The following NSRP1 variants were observed in gnomAD, a reference collection of about 807,000 sequenced individuals.
NSRP1 encodes the protein nuclear speckle splicing regulatory protein 1.
A neutral mutation model predicts 54.7 loss-of-function variants in NSRP1; 24 were observed. That is an observed-to-expected ratio of 0.44 (90% CI 0.32 to 0.62). The LOEUF (loss-of-function observed/expected upper bound fraction) is 0.62, where lower values mean the gene tolerates loss of function less well. NSRP1 is among the 20% of genes least tolerant of loss of function. The probability of loss-of-function intolerance (pLI) is 0.06; values close to 1 mark genes in which losing one functional copy is unlikely to be tolerated. For missense variants in NSRP1, 596 were observed against 651.2 expected, an observed-to-expected ratio of 0.92 and a Z score of 0.92; for synonymous variants, 210 against 213.8, an observed-to-expected ratio of 0.98 and a Z score of 0.15.
intron 2 of NSRP1, among the ~76,000 whole-genome samples, chr17:30,163,608 GA>G (rs899530993): frequency 6.7e-6 from 1 of 148,816 alleles, no homozygotes; most frequent in African/African-American, 2.5e-5. Flanking sequence ...AATGAAGGGA[GA>G]AAAAAACTAA....
At chr17:30,117,421 T>G (rs976805467) in intron 1 of NSRP1, 5 of 441,134 alleles carry the variant, frequency 1.1e-5, no homozygotes, top group Non-Finnish European at 2.0e-5. Context: ...TGTGTAATCC[T>G]TACTTTTGAT....
intron 2 of NSRP1, among the ~76,000 whole-genome samples, chr17:30,119,269 TA>T (rs2151871167): frequency 6.6e-6 from 1 of 152,132 alleles, no homozygotes; most frequent in South Asian, 2.1e-4. Flanking sequence ...TTTATTTTTT[TA>T]TTTTTTTGTA....
chr17:30,176,918 C>G (rs1211203803), intron 3 of NSRP1, among the ~76,000 whole-genome samples: 1 of 152,084 alleles, frequency 6.6e-6, no homozygotes, highest in Non-Finnish European at 1.5e-5. Flanking sequence ...CAGATAGATT[C>G]TTTTGAATAA....
intron 2 of NSRP1, among the ~76,000 whole-genome samples, chr17:30,128,768 T>C (rs2071673487): frequency 6.6e-6 from 1 of 152,150 alleles, no homozygotes; most frequent in Non-Finnish European, 1.5e-5. Context: ...AAGTAAAGTG[T>C]GTGCAATACT....
In NSRP1 at chr17:30,186,461, T is replaced by C. The variant is rs946433681; in HGVS notation, c.*787T>C. The C allele has an allele frequency of 6.6e-6, 1 of 152,248 alleles. No homozygotes were observed. Among genetic ancestry groups the C allele is most frequent in the South Asian group, 2.1e-4 (1 of 4,830 alleles). 9.4% of individuals were successfully genotyped at this position (152,248 alleles called of 1,614,324 possible). On this transcript the variant is annotated 3_prime_UTR_variant, in exon 7 of 7. Transcript: ENST00000247026. The stretch of plus-strand genomic sequence containing the variant: ...TGGCTTAAATGAAAATAAAATGATA[T>C]GCTTATACATTTTATTTATGCATTT...
Position 30,172,014 on chromosome 17 carries a change from T to TCTCTCTCACACA in NSRP1, c.115-527_115-526insTCTCTCACACAC, listed in dbSNP as rs144705088. Among the ~76,000 whole-genome samples, 1,261 of 131,098 alleles carry TCTCTCTCACACA rather than the reference T, an allele frequency of 9.6e-3. 22 individuals are homozygous for TCTCTCTCACACA. Among genetic ancestry groups the TCTCTCTCACACA allele is most frequent in the East Asian group, 0.025 (95 of 3,870 alleles). 86.0% of individuals were successfully genotyped at this position (131,098 alleles called of 152,430 possible). A position where few individuals can be genotyped will look rare whatever the true frequency, so the allele number is the denominator to read the frequency against. On this transcript the variant is annotated intron_variant, in intron 2 of 6. Transcript: ENST00000247026. ...CTCTCTCTCTCTCTCTCTCTCTCTC[T>TCTCTCTCACACA]CACATGTTCACATGAAGCAAATTGA...
chr17:30,162,379 G>A (rs1904551757), intron 2 of NSRP1, among the ~76,000 whole-genome samples: 1 of 152,088 alleles, frequency 6.6e-6, no homozygotes. Context: ...TTAGGTCTGA[G>A]CTTATATTAC....
chr17:30,129,213 A>G (rs553222907), intron 2 of NSRP1, among the ~76,000 whole-genome samples: 1 of 152,228 alleles, frequency 6.6e-6, no homozygotes, highest in South Asian at 2.1e-4. Flanking sequence ...TAGGAGAGAA[A>G]ATATTGGGAC....
rs900746957 is a variant in NSRP1 at position 30,129,934 on chromosome 17, G to A, written c.114+11761G>A. 7.9e-5 allele frequency among the ~76,000 whole-genome samples: 12 copies of A among 152,110 alleles called. No individual in the cohort carries two copies. The East Asian group carries it at 9.7e-4, about 12-fold the overall frequency. On this transcript the variant is annotated intron_variant, in intron 2 of 6. Coordinates refer to ENST00000247026, the MANE Select transcript of NSRP1 (RefSeq NM_032141.4). ...GGTACCGAGTATATCAAACAGTGAG[G>A]GATTTAAAGTAATTTTGCAATTTGC...
intron 2 of NSRP1, among the ~76,000 whole-genome samples, chr17:30,124,692 G>A (rs922876942): frequency 2.0e-5 from 3 of 152,224 alleles, no homozygotes; most frequent in African/African-American, 7.2e-5. Context: ...TTGTCCAGAA[G>A]GAGCAGAAAC....
intron 2 of NSRP1, among the ~76,000 whole-genome samples, chr17:30,159,658 A>T (rs565984621): frequency 3.8e-4 from 57 of 151,234 alleles, no homozygotes; most frequent in Non-Finnish European, 7.5e-4. Context: ...ATTTTTATTT[A>T]TTTGTTTATT....
chr17:30,159,612 T>C (rs777132270), intron 2 of NSRP1, among the ~76,000 whole-genome samples: 1 of 152,100 alleles, frequency 6.6e-6, no homozygotes, highest in Non-Finnish European at 1.5e-5. Flanking sequence ...TTGTCATATA[T>C]GGCCTTTATT....
intron 2 of NSRP1, among the ~76,000 whole-genome samples, chr17:30,136,724 G>A (rs2071753915): frequency 6.6e-6 from 1 of 152,116 alleles, no homozygotes; most frequent in African/African-American, 2.4e-5. Flanking sequence ...TGAGGAAACA[G>A]GCAGAAAGTT....
At chr17:30,145,780 T>G (rs1415420996) in intron 2 of NSRP1, among the ~76,000 whole-genome samples, 1 of 152,150 alleles carries the variant, frequency 6.6e-6, no homozygotes, top group Non-Finnish European at 1.5e-5. Context: ...TTCATTATGT[T>G]GTATTTCCGT....
intron 2 of NSRP1, among the ~76,000 whole-genome samples, chr17:30,124,758 A>G (rs891808327): frequency 1.3e-5 from 2 of 152,254 alleles, no homozygotes; most frequent in Non-Finnish European, 2.9e-5. Flanking sequence ...GTCAAAGCCA[A>G]TGGACAAGGG....
intron 2 of NSRP1, among the ~76,000 whole-genome samples, chr17:30,131,104 G>C (rs1290878152): frequency 6.6e-6 from 1 of 152,112 alleles, no homozygotes. Flanking sequence ...AAATTAAACA[G>C]GTATTTAGGG....
At chr17:30,178,242 C>A in intron 4 of NSRP1, 43 bp downstream of exon 4, 1 of 1,572,996 alleles carries the variant, frequency 6.4e-7, no homozygotes, top group Non-Finnish European at 8.6e-7. Flanking sequence ...CCTTGACCTA[C>A]ATTTTGTGTC....
At chr17:30,177,859 A>G (rs995071682) in intron 3 of NSRP1, 4 of 610,580 alleles carry the variant, frequency 6.6e-6, no homozygotes, top group Non-Finnish European at 1.2e-5. Flanking sequence ...AAAAGATTAC[A>G]AACAAACTTG....
At chr17:30,121,497 T>TA (rs1393883103) in intron 2 of NSRP1, among the ~76,000 whole-genome samples, 1 of 148,060 alleles carries the variant, frequency 6.8e-6, no homozygotes, top group Non-Finnish European at 1.5e-5. Flanking sequence ...ATTAAAAAAA[T>TA]ATATAATTCA....
Sources: gnomAD v4.1 joint callset for allele counts (sites outside exome capture counted in the v4.1 genomes callset) on GRCh38, gnomAD v4.1.1 for gene constraint, MANE v1.5 for transcripts, NCBI Gene and HGNC (gene_info 2026-07-23, HGNC 2026-07-21) for gene names.